FHL5: variants seen among roughly 807,000 people sequenced by gnomAD.
The protein encoded by FHL5 is four and a half LIM domains 5, also known as four and a half LIM domains protein 5.
In FHL5, 33 loss-of-function variants were observed where a neutral mutation model predicts 32.0. The observed-to-expected ratio is 1.03, with a 90% CI of 0.78 to 1.38. The LOEUF (loss-of-function observed/expected upper bound fraction) is 1.38, where lower values mean the gene tolerates loss of function less well. FHL5 is among the 40% of genes most tolerant of loss of function. The pLI is 0.00. For synonymous variants in FHL5, 114 were observed against 113.6 expected (o/e 1.00, Z -0.02); for missense variants, 336 against 343.9 (o/e 0.98, Z 0.18).
chr6:96,574,522 A>AATATC (rs1770546101), intron 1 of FHL5, among the ~76,000 whole-genome samples: 1 of 152,222 alleles, frequency 6.6e-6, no homozygotes, highest in Non-Finnish European at 1.5e-5. Flanking sequence ...ATCATTTAAA[A>AATATC]ATGTAAAAGC....
intron 1 of FHL5, among the ~76,000 whole-genome samples, chr6:96,589,450 T>G (rs1032574673): frequency 1.3e-5 from 2 of 152,114 alleles, no homozygotes; most frequent in African/African-American, 4.8e-5. Flanking sequence ...GTTAATGAAG[T>G]TGAGAACATT....
chr6:96,604,461 T>G (rs1243422614), intron 2 of FHL5, among the ~76,000 whole-genome samples: 2 of 152,104 alleles, frequency 1.3e-5, no homozygotes, highest in African/African-American at 4.8e-5. Context: ...ATGAAAAACC[T>G]CTATTATAGT....
chr6:96,592,458 G>A (rs767569495), intron 1 of FHL5, among the ~76,000 whole-genome samples: 6 of 152,162 alleles, frequency 3.9e-5, no homozygotes, highest in Admixed American at 6.5e-5. Flanking sequence ...AAGGTGCCCA[G>A]ATTTCATATT....
At chr6:96,567,825 C>CTTTTTTT (rs757441385) in intron 1 of FHL5, among the ~76,000 whole-genome samples, 10 of 110,534 alleles carry the variant, frequency 9.0e-5, no homozygotes, top group Admixed American at 9.4e-5. Context: ...TTTTTGTATT[C>CTTTTTTT]TTTTTTTTTT....
intron 1 of FHL5, among the ~76,000 whole-genome samples, chr6:96,590,219 G>T (rs1312920599): frequency 6.6e-6 from 1 of 151,914 alleles, no homozygotes; most frequent in African/African-American, 2.4e-5. Flanking sequence ...TGCATCTATA[G>T]GGCAAATGAA....
In FHL5 at chr6:96,604,746, A is replaced by G. The variant is rs779557620; in HGVS notation, c.160-4A>G. 1.9e-6 allele frequency: 3 copies of G among 1,603,058 alleles called. No homozygotes were observed. In the South Asian group the frequency reaches 3.4e-5, roughly 18 times the overall value. On this transcript the variant is annotated splice_region_variant and splice_polypyrimidine_tract_variant and intron_variant, in intron 2 of 5. Transcript: ENST00000450218. ...TTAATTAACTTTTATTTACTGTCTC[A>G]AAGGATCTTTGTTACAAAGACCGGC...
Sources: gnomAD v4.1 joint callset for allele counts (sites outside exome capture counted in the v4.1 genomes callset) on GRCh38, gnomAD v4.1.1 for gene constraint, MANE v1.5 for transcripts, NCBI Gene and HGNC (gene_info 2026-07-23, HGNC 2026-07-21) for gene names.